Variants in OPCML observed in about 807,000 individuals in gnomAD.
OPCML encodes the protein opioid-binding protein/cell adhesion molecule.
A neutral mutation model predicts 37.8 loss-of-function variants in OPCML; 13 were observed. The ratio of observed to expected loss-of-function variants is 0.34; its 90% CI spans 0.22 to 0.55. OPCML has a LOEUF of 0.55. OPCML is among the 20% of genes least tolerant of loss of function. The pLI, the probability that OPCML is intolerant of heterozygous loss-of-function variation, is 0.91. For missense variants in OPCML, 341 were observed against 435.6 expected, an observed-to-expected ratio of 0.78 and a Z score of 1.93; for synonymous variants, 176 against 168.8, an observed-to-expected ratio of 1.04 and a Z score of -0.33.
chr11:132,969,539 A>C (rs1365786135), intron 1 of OPCML, among the ~76,000 whole-genome samples: 1 of 152,148 alleles, frequency 6.6e-6, no homozygotes, highest in Non-Finnish European at 1.5e-5. Flanking sequence ...CCCCCCCTGC[A>C]ACTGTGTTTA....
chr11:132,669,617 C>A (rs1445625490), intron 2 of OPCML, among the ~76,000 whole-genome samples: 1 of 152,178 alleles, frequency 6.6e-6, no homozygotes, highest in Non-Finnish European at 1.5e-5. Flanking sequence ...CACAGTCTGG[C>A]TTTGGAACAC....
chr11:133,230,983 G>A (rs1940251454), intron 1 of OPCML, among the ~76,000 whole-genome samples: 1 of 152,136 alleles, frequency 6.6e-6, no homozygotes, highest in South Asian at 2.1e-4. Flanking sequence ...GGGTGTGCAG[G>A]GCGCTTTCCA....
At chr11:133,411,138 G>T (rs1945642955) in intron 1 of OPCML, among the ~76,000 whole-genome samples, 1 of 152,078 alleles carries the variant, frequency 6.6e-6, no homozygotes, top group Admixed American at 6.6e-5. Context: ...AAAGACTTCA[G>T]TTCCCCCAGT....
chr11:133,191,156 T>C (rs1938296625), intron 1 of OPCML, among the ~76,000 whole-genome samples: 1 of 152,186 alleles, frequency 6.6e-6, no homozygotes, highest in Admixed American at 6.5e-5. Flanking sequence ...CTATTATCTG[T>C]CTTTTTTATT....
At chr11:132,457,524 A>G (rs987342057) in intron 4 of OPCML, among the ~76,000 whole-genome samples, 2 of 152,184 alleles carry the variant, frequency 1.3e-5, no homozygotes, top group East Asian at 1.9e-4. Context: ...CCTGCCTTCT[A>G]TGGAGGAGGC....
At chr11:132,436,883 A>G (rs995446403) in intron 5 of OPCML, 104 bp from the exon 6 acceptor site, 1 of 1,497,028 alleles carries the variant, frequency 6.7e-7, no homozygotes, top group African/African-American at 1.4e-5. Context: ...TGCTATGTAA[A>G]TGGATTTCTT....
At chr11:132,530,151 T>C (rs915556624) in intron 3 of OPCML, among the ~76,000 whole-genome samples, 2 of 152,142 alleles carry the variant, frequency 1.3e-5, no homozygotes, top group Admixed American at 6.5e-5. Flanking sequence ...CCTAAGATGA[T>C]GATGACAATG....
At chr11:132,884,579 T>C (rs528576602) in intron 2 of OPCML, among the ~76,000 whole-genome samples, 8 of 152,354 alleles carry the variant, frequency 5.3e-5, no homozygotes, top group African/African-American at 1.9e-4. Flanking sequence ...GGTTATAGTC[T>C]GCTATAGTTT....
At chr11:133,357,655 G>A (rs1279795733) in intron 1 of OPCML, among the ~76,000 whole-genome samples, 2 of 152,106 alleles carry the variant, frequency 1.3e-5, no homozygotes, top group Non-Finnish European at 1.5e-5. Flanking sequence ...ATAAAAATGT[G>A]TCCACACCCT....
chr11:132,494,180 T>C (rs919419568), intron 4 of OPCML, among the ~76,000 whole-genome samples: 2 of 152,218 alleles, frequency 1.3e-5, no homozygotes, highest in African/African-American at 2.4e-5. Context: ...AATAATACTT[T>C]TGTAAATGCA....
chr11:132,767,380 G>C (rs554229690), intron 2 of OPCML, among the ~76,000 whole-genome samples: 1 of 152,276 alleles, frequency 6.6e-6, no homozygotes, highest in South Asian at 2.1e-4. Flanking sequence ...GAGGTTATGG[G>C]ATTTCTTTGA....
At chr11:132,652,402 A>G (rs1941478740) in intron 3 of OPCML, among the ~76,000 whole-genome samples, 1 of 151,928 alleles carries the variant, frequency 6.6e-6, no homozygotes, top group South Asian at 2.1e-4. Flanking sequence ...AGAAATCCTG[A>G]AAATGTTCCA....
At chr11:133,011,944 A>G (rs1289637274) in intron 1 of OPCML, among the ~76,000 whole-genome samples, 1 of 152,214 alleles carries the variant, frequency 6.6e-6, no homozygotes, top group Non-Finnish European at 1.5e-5. Context: ...AGCCACAGAC[A>G]GTTTGTAAAC....
At chr11:132,429,034 G>GGAT (rs2095987367) in intron 7 of OPCML, among the ~76,000 whole-genome samples, 1 of 146,470 alleles carries the variant, frequency 6.8e-6, no homozygotes, top group Non-Finnish European at 1.5e-5. Flanking sequence ...AATGGATGGA[G>GGAT]GGATGGATGG....
Position 132,900,392 on chromosome 11 carries a change from C to T in OPCML, c.146+42534G>A, listed in dbSNP as rs144892466. ...TGTGTGTTTCTCCATTTCCACCCAT[C>T]ACTGTAGCCTAAACCACCATCATCT... On this transcript the variant is annotated intron_variant, in intron 2 of 7. Coordinates refer to ENST00000524381, the MANE Select transcript of OPCML (RefSeq NM_001012393.5). 1.8e-4 allele frequency among the ~76,000 whole-genome samples: 27 copies of T among 152,262 alleles called. 1 individual carries two copies. Among genetic ancestry groups the T allele is most frequent in the African/African-American group, 5.5e-4 (23 of 41,550 alleles).
chr11:133,061,581 TC>T (rs1190986879), intron 1 of OPCML, among the ~76,000 whole-genome samples: 1 of 152,234 alleles, frequency 6.6e-6, no homozygotes. Flanking sequence ...GCTATTCTCT[TC>T]TGAGCTCTCA....
intron 2 of OPCML, among the ~76,000 whole-genome samples, chr11:132,803,701 T>C (rs746198459): frequency 6.6e-5 from 10 of 152,206 alleles, no homozygotes; most frequent in African/African-American, 9.6e-5. Context: ...GAAGGTAGCA[T>C]AGTATAGTTG....
At chr11:133,455,317 A>G (rs1565642899) in intron 1 of OPCML, among the ~76,000 whole-genome samples, 1 of 152,184 alleles carries the variant, frequency 6.6e-6, no homozygotes, top group Admixed American at 6.5e-5. Context: ...CTTTATTTAA[A>G]CCTAGCCTTC....
chr11:132,606,646 C>T (rs1565705452), intron 3 of OPCML, among the ~76,000 whole-genome samples: 1 of 147,356 alleles, frequency 6.8e-6, no homozygotes, highest in Non-Finnish European at 1.5e-5. Flanking sequence ...CCAAGCCTCT[C>T]CCCTTTTCCC....
Sources: gnomAD v4.1 joint callset for allele counts (sites outside exome capture counted in the v4.1 genomes callset) on GRCh38, gnomAD v4.1.1 for gene constraint, MANE v1.5 for transcripts, NCBI Gene and HGNC (gene_info 2026-07-23, HGNC 2026-07-21) for gene names.